SRRM4: variants seen among roughly 807,000 people sequenced by gnomAD.
The protein encoded by SRRM4 is serine/arginine repetitive matrix protein 4.
Under a neutral mutation model 68.9 loss-of-function variants are expected in SRRM4, and 33 were observed. The ratio of observed to expected loss-of-function variants is 0.48; its 90% CI spans 0.36 to 0.64. The LOEUF is 0.64. Ranked by LOEUF, SRRM4 falls within the 30% of genes least tolerant of loss-of-function variation. SRRM4 has a pLI of 0.00. For synonymous variants in SRRM4, 318 were observed against 318.8 expected, an observed-to-expected ratio of 1.00 and a Z score of 0.03; for missense variants, 817 against 827.1, an observed-to-expected ratio of 0.99 and a Z score of 0.15.
intron 1 of SRRM4, among the ~76,000 whole-genome samples, chr12:119,057,550 A>G (rs576246634): frequency 6.6e-6 from 1 of 152,306 alleles, no homozygotes; most frequent in Admixed American, 6.5e-5. Flanking sequence ...GCTACATAGT[A>G]TTCCAGGGTG....
chr12:118,983,688 G>A (rs73405961), intron 1 of SRRM4, among the ~76,000 whole-genome samples: 1,811 of 152,132 alleles, frequency 0.012, 37 homozygotes, highest in African/African-American at 0.041. Context: ...AGAGGAAAGC[G>A]GATTCTTGGT....
At chr12:119,049,897 C>T (rs776986373) in intron 1 of SRRM4, among the ~76,000 whole-genome samples, 33 of 152,182 alleles carry the variant, frequency 2.2e-4, no homozygotes, top group Non-Finnish European at 3.8e-4. Flanking sequence ...CCTTAATTAC[C>T]GTTTAAAAGG....
chr12:119,147,310 A>T (rs1484480604), intron 9 of SRRM4, among the ~76,000 whole-genome samples: 1 of 152,236 alleles, frequency 6.6e-6, no homozygotes, highest in African/African-American at 2.4e-5. Flanking sequence ...GGGTGAGGGG[A>T]CAGAGGGATG....
intron 1 of SRRM4, among the ~76,000 whole-genome samples, chr12:119,063,007 G>A (rs143278590): frequency 6.6e-6 from 1 of 152,364 alleles, no homozygotes; most frequent in African/African-American, 2.4e-5. Context: ...GTAGATGCCA[G>A]TGTCATGAAT....
intron 5 of SRRM4, among the ~76,000 whole-genome samples, chr12:119,121,263 A>T (rs1954217789): frequency 6.6e-6 from 1 of 152,104 alleles, no homozygotes; most frequent in Admixed American, 6.5e-5. Context: ...AGATGAAATA[A>T]AATTGCCCCT....
chr12:119,025,540 G>A (rs1291475913), intron 1 of SRRM4, among the ~76,000 whole-genome samples: 1 of 152,138 alleles, frequency 6.6e-6, no homozygotes, highest in Admixed American at 6.5e-5. Context: ...TGCCTCCCGG[G>A]TTCAAGTGAT....
intron 6 of SRRM4, 25 bp from the exon 7 acceptor site, chr12:119,125,356 A>G: frequency 6.2e-7 from 1 of 1,601,292 alleles, no homozygotes; most frequent in Non-Finnish European, 8.5e-7. Flanking sequence ...CTCTCCTCTG[A>G]CTCGTTCCTT....
chr12:119,021,756 G>T (rs1357419895), intron 1 of SRRM4, among the ~76,000 whole-genome samples: 2 of 152,176 alleles, frequency 1.3e-5, no homozygotes, highest in African/African-American at 2.4e-5. Flanking sequence ...CAAAGACATG[G>T]TCTCGTTCCT....
chr12:119,107,730 TAG>T (rs1565909667), intron 2 of SRRM4, among the ~76,000 whole-genome samples: 1 of 152,212 alleles, frequency 6.6e-6, no homozygotes, highest in Non-Finnish European at 1.5e-5. Context: ...TTAGTCTTGC[TAG>T]TGATCTATCA....
chr12:119,148,292 C>T (rs1431612115), intron 9 of SRRM4, among the ~76,000 whole-genome samples: 1 of 152,186 alleles, frequency 6.6e-6, no homozygotes, highest in Non-Finnish European at 1.5e-5. Context: ...ACTGCCTTCC[C>T]ATTTGCCTGC....
chr12:119,150,358 G>A (rs1954430612), intron 9 of SRRM4, among the ~76,000 whole-genome samples: 1 of 152,134 alleles, frequency 6.6e-6, no homozygotes, highest in Non-Finnish European at 1.5e-5. Flanking sequence ...TGTAATCTCA[G>A]CTACTCGGGA....
At chr12:119,052,615 G>A (rs562958792) in intron 1 of SRRM4, among the ~76,000 whole-genome samples, 1 of 152,186 alleles carries the variant, frequency 6.6e-6, no homozygotes. Flanking sequence ...CGCAAGCTCC[G>A]CCTCCCGGGT....
At position 119,156,778 on chromosome 12, in the gene SRRM4, T is replaced by TA; in HGVS notation, c.1817dup (p.Tyr606Ter). ...CCGGAGCTACAGCTCAGCAGACAGCTACTCCAGCACGAGGCGCTAAGTGCC... is the reference window on the plus strand; with the variant it reads ...CCGGAGCTACAGCTCAGCAGACAGCTAACTCCAGCACGAGGCGCTAAGTGCC... ...QSRSYSSADS[Y>*]SSTRR Residue 606 changes from tyrosine (Y) to a stop codon, truncating the protein, a stop_gained and frameshift_variant, in exon 13 of 13, where the codon TAC becomes TAAC. Coordinates refer to ENST00000267260, the MANE Select transcript of SRRM4 (RefSeq NM_194286.4). LOFTEE classifies it high-confidence loss of function. 1 of 1,539,926 alleles carries TA rather than the reference T, an allele frequency of 6.5e-7. No homozygotes were observed. Among genetic ancestry groups the TA allele is most frequent in the Non-Finnish European group, 8.7e-7 (1 of 1,143,910 alleles).
intron 1 of SRRM4, among the ~76,000 whole-genome samples, chr12:119,098,900 C>T (rs553364970): frequency 7.9e-5 from 12 of 152,264 alleles, no homozygotes; most frequent in African/African-American, 1.9e-4. Flanking sequence ...CTACACTGAT[C>T]GGAGCTTGGA....
chr12:119,125,531 T>G, intron 7 of SRRM4, 52 bp downstream of exon 7: 1 of 1,522,396 alleles, frequency 6.6e-7, no homozygotes, highest in Non-Finnish European at 9.1e-7. Context: ...GAGCCCAGGC[T>G]AAGACACTGT....
At chr12:119,079,428 G>A (rs1000870446) in intron 1 of SRRM4, among the ~76,000 whole-genome samples, 3 of 152,140 alleles carry the variant, frequency 2.0e-5, no homozygotes, top group Non-Finnish European at 2.9e-5. Context: ...GAGAGAGATG[G>A]GAGACAGAGA....
intron 4 of SRRM4, among the ~76,000 whole-genome samples, chr12:119,117,339 A>T (rs547424043): frequency 1.3e-5 from 2 of 152,294 alleles, no homozygotes; most frequent in South Asian, 4.1e-4. Context: ...CCTGGTCCCC[A>T]TGAGGGACAT....
intron 1 of SRRM4, among the ~76,000 whole-genome samples, chr12:118,997,245 A>G (rs1416401100): frequency 6.6e-6 from 1 of 152,180 alleles, no homozygotes; most frequent in African/African-American, 2.4e-5. Context: ...TAAGCACCAA[A>G]TTTGGTAGGG....
rs952274088 is a variant in SRRM4, at chr12:119,150,932, C to G, written c.1077-85C>G. 4.5e-6 allele frequency: 6 copies of G among 1,319,980 alleles called. No individual in the cohort carries two copies. In the Admixed American group the frequency reaches 9.7e-5, roughly 21 times the overall value. 81.8% of individuals were successfully genotyped at this position (1,319,980 alleles called of 1,614,324 possible). ...AGAGGGTTCTATGAGAGCACCACAGCCTAGGCCAAGGTAGGGAGGTATTCA... is the reference window on the plus strand; with the variant it reads ...AGAGGGTTCTATGAGAGCACCACAGGCTAGGCCAAGGTAGGGAGGTATTCA... On this transcript the variant is annotated intron_variant, in intron 9 of 12. Coordinates refer to ENST00000267260, the MANE Select transcript of SRRM4 (RefSeq NM_194286.4).
Sources: gnomAD v4.1 joint callset for allele counts (sites outside exome capture counted in the v4.1 genomes callset) on GRCh38, gnomAD v4.1.1 for gene constraint, MANE v1.5 for transcripts, NCBI Gene and HGNC (gene_info 2026-07-23, HGNC 2026-07-21) for gene names.